The following LAMA2 variants were observed in gnomAD, a reference collection of about 807,000 sequenced individuals.
LAMA2 encodes the protein laminin subunit alpha-2.
A neutral mutation model predicts 364.8 loss-of-function variants in LAMA2; 269 were observed. The observed-to-expected ratio is 0.74, with a 90% CI of 0.67 to 0.82. LAMA2 has a LOEUF of 0.82. LAMA2 is among the 40% of genes least tolerant of loss of function. The probability of loss-of-function intolerance (pLI) is 0.00; values close to 1 mark genes in which losing one functional copy is unlikely to be tolerated. For missense variants in LAMA2, 3,807 were observed against 3,873.2 expected (o/e 0.98, Z 0.45); for synonymous variants, 1,379 against 1,370.6 (o/e 1.01, Z -0.14).
chr6:129,147,072 A>T, intron 6 of LAMA2, 24 bp downstream of exon 6: 1 of 1,434,876 alleles, frequency 7.0e-7, no homozygotes, highest in Non-Finnish European at 9.8e-7. Context: ...TAGGATGCTT[A>T]GGCAAAATGA....
At position 129,101,161 on chromosome 6, in the gene LAMA2, G is replaced by GT. The variant is rs146013068; in HGVS notation, c.639+2747dup. 6.8e-3 allele frequency among the ~76,000 whole-genome samples: 1,036 copies of GT among 152,286 alleles called. 4 individuals are homozygous for GT. The highest frequency in any genetic ancestry group is 0.024 in the South Asian group (117 of 4,822). ...AATAAAACATGATTGCATAAGTACT[G>GT]TAACAGTAGTGTATACAGAGAGCAA... On this transcript the variant is annotated intron_variant, in intron 4 of 64. Coordinates refer to ENST00000421865, the MANE Select transcript of LAMA2 (RefSeq NM_000426.4).
At chr6:129,303,322 C>G (rs1296538379) in intron 22 of LAMA2, among the ~76,000 whole-genome samples, 1 of 152,028 alleles carries the variant, frequency 6.6e-6, no homozygotes. Context: ...CTTATTAGTT[C>G]TAGTTTCTTT....
chr6:129,288,693 A>G (rs575290522), intron 19 of LAMA2, among the ~76,000 whole-genome samples: 7 of 152,116 alleles, frequency 4.6e-5, no homozygotes, highest in Non-Finnish European at 1.0e-4. Context: ...AGTATAATAC[A>G]TTTCTCCCCT....
intron 58 of LAMA2, among the ~76,000 whole-genome samples, chr6:129,501,947 T>G (rs940753114): frequency 4.6e-5 from 7 of 152,038 alleles, no homozygotes; most frequent in African/African-American, 1.7e-4. Flanking sequence ...CACTGAAAAA[T>G]TATTAAGAAT....
chr6:129,105,209 G>A (rs943746685), intron 4 of LAMA2, among the ~76,000 whole-genome samples: 4 of 152,080 alleles, frequency 2.6e-5, no homozygotes, highest in Admixed American at 6.6e-5. Flanking sequence ...TTACTTTGAG[G>A]CCAACCACAG....
intron 3 of LAMA2, among the ~76,000 whole-genome samples, chr6:129,069,121 GAAC>G (rs1452945320): frequency 6.6e-6 from 1 of 151,746 alleles, no homozygotes; most frequent in Non-Finnish European, 1.5e-5. Context: ...TAAAAAAAAA[GAAC>G]AATAATACAT....
At position 129,275,218 on chromosome 6, in the gene LAMA2, C is replaced by T. The variant is rs147588392; in HGVS notation, c.2450+4467C>T. 1.3e-3 allele frequency among the ~76,000 whole-genome samples: 203 copies of T among 152,072 alleles called. 1 individual carries two copies. Among genetic ancestry groups the T allele is most frequent in the African/African-American group, 4.7e-3 (197 of 41,540 alleles). On this transcript the variant is annotated intron_variant, in intron 17 of 64. Transcript: ENST00000421865. ...GAAACAATCAATTCAGCCATATTCT[C>T]TAGAAAATTGAGAATGCTCTAGATG...
At chr6:128,976,709 G>T (rs1782550418) in intron 1 of LAMA2, among the ~76,000 whole-genome samples, 1 of 152,108 alleles carries the variant, frequency 6.6e-6, no homozygotes, top group African/African-American at 2.4e-5. Flanking sequence ...GTATCTGGGG[G>T]GCCTTAAAAT....
intron 33 of LAMA2, among the ~76,000 whole-genome samples, chr6:129,366,752 A>G (rs1777800996): frequency 6.6e-6 from 1 of 152,218 alleles, no homozygotes; most frequent in Non-Finnish European, 1.5e-5. Flanking sequence ...GCTGAATGGA[A>G]ATTGCTGCTT....
rs1205519482 is a variant in LAMA2 at position 129,391,619 on chromosome 6, G to C, written c.5200G>C (p.Glu1734Gln). 2.5e-6 allele frequency: 4 copies of C among 1,613,920 alleles called. No individual in the cohort carries two copies. Among genetic ancestry groups the C allele is most frequent in the East Asian group, 2.2e-5 (1 of 44,860 alleles). ...TAAAGAACTGAGGAGGAAAAATCTA[G>C]AGACACAAAAGGAAATTGCTGAAGA... ...MIKELRRKNL[E>Q]TQKEIAEDEL... Residue 1734 changes from glutamate to glutamine, a missense_variant, in exon 36 of 65, where the codon GAG (glutamate) becomes CAG (glutamine). By Grantham distance (29) the Glu-to-Gln change is conservative (BLOSUM62 2). Coordinates refer to ENST00000421865, the MANE Select transcript of LAMA2 (RefSeq NM_000426.4).
intron 12 of LAMA2, among the ~76,000 whole-genome samples, chr6:129,214,640 T>C (rs918163070): frequency 1.3e-4 from 20 of 152,214 alleles, no homozygotes; most frequent in African/African-American, 4.8e-4. Flanking sequence ...TTGATCTAAG[T>C]GACTTTTTTC....
chr6:129,251,815 A>G (rs1339619866), intron 13 of LAMA2, among the ~76,000 whole-genome samples: 1 of 152,086 alleles, frequency 6.6e-6, no homozygotes, highest in East Asian at 1.9e-4. Flanking sequence ...GGCGCCTGTA[A>G]TCTCAGCTAT....
chr6:129,213,143 G>A (rs1055601790), intron 12 of LAMA2, among the ~76,000 whole-genome samples: 1 of 152,132 alleles, frequency 6.6e-6, no homozygotes, highest in African/African-American at 2.4e-5. Flanking sequence ...GTCTTTTCAG[G>A]TTGGCTTTTT....
At chr6:129,160,016 T>G (rs1779357357) in intron 8 of LAMA2, among the ~76,000 whole-genome samples, 1 of 152,218 alleles carries the variant, frequency 6.6e-6, no homozygotes, top group Non-Finnish European at 1.5e-5. Context: ...AATGTTTGGT[T>G]AAGAATTTTG....
chr6:128,982,178 C>T (rs1782929348), intron 1 of LAMA2, among the ~76,000 whole-genome samples: 1 of 152,156 alleles, frequency 6.6e-6, no homozygotes, highest in South Asian at 2.1e-4. Context: ...GACATTTTGT[C>T]ATGTTTTCTT....
Position 129,516,428 on chromosome 6 carries a change from T to A in LAMA2, c.*81T>A. On this transcript the variant is annotated 3_prime_UTR_variant, in exon 65 of 65. Coordinates refer to ENST00000421865, the MANE Select transcript of LAMA2 (RefSeq NM_000426.4). ...CAAACAAATATATTTTACCTATATA[T>A]GTTAATTAAACTAATTTGTGCATGT... 1 of 1,390,604 alleles carries A rather than the reference T, an allele frequency of 7.2e-7. No individual in the cohort carries two copies. Among genetic ancestry groups the A allele is most frequent in the Non-Finnish European group, 1.0e-6 (1 of 999,020 alleles). 86.1% of individuals were successfully genotyped at this position (1,390,604 alleles called of 1,614,324 possible).
At chr6:129,332,288 T>C (rs1775701829) in intron 29 of LAMA2, among the ~76,000 whole-genome samples, 1 of 152,242 alleles carries the variant, frequency 6.6e-6, no homozygotes, top group Non-Finnish European at 1.5e-5. Flanking sequence ...CATTATTGTA[T>C]CTGAACATAC....
chr6:129,167,212 C>G lies in LAMA2; in HGVS notation c.1306+1537C>G, dbSNP rs537681783. ...TTTTAGGGTACATGTGCACAATGTG[C>G]AGGTTAGTTACATATGTATACATGT... is the stretch of plus-strand genomic sequence containing the variant. On this transcript the variant is annotated intron_variant, in intron 9 of 64. Coordinates refer to ENST00000421865, the MANE Select transcript of LAMA2 (RefSeq NM_000426.4). Among the ~76,000 whole-genome samples the G allele has an allele frequency of 5.3e-5, 8 of 151,552 alleles. No individual in the cohort carries two copies. The East Asian group carries it at 1.5e-3, about 29-fold the overall frequency.
chr6:129,436,366 A>G (rs982347989), intron 41 of LAMA2, among the ~76,000 whole-genome samples: 2 of 152,142 alleles, frequency 1.3e-5, no homozygotes, highest in African/African-American at 4.8e-5. Flanking sequence ...TTTTCATGGA[A>G]AGGTCTTAAG....
Sources: allele counts gnomAD v4.1 joint callset (sites outside exome capture counted in the v4.1 genomes callset), GRCh38; gene constraint gnomAD v4.1.1; transcripts MANE v1.5; gene names NCBI Gene and HGNC (gene_info 2026-07-23, HGNC 2026-07-21).